Variants in PACSIN2 observed in about 807,000 individuals in gnomAD.
The protein encoded by PACSIN2 is protein kinase C and casein kinase substrate in neurons protein 2.
In PACSIN2, 25 loss-of-function variants were observed where a neutral mutation model predicts 63.8. The observed-to-expected ratio is 0.39, with a 90% CI of 0.29 to 0.55. The LOEUF (loss-of-function observed/expected upper bound fraction) is 0.55. PACSIN2 is among the 20% of genes least tolerant of loss of function. PACSIN2 has a pLI of 0.62. For missense variants in PACSIN2, 518 were observed against 646.9 expected (o/e 0.80, Z 2.16); for synonymous variants, 255 against 256.2 (o/e 1.00, Z 0.05).
intron 1 of PACSIN2, among the ~76,000 whole-genome samples, chr22:42,941,086 TTC>T (rs946262962): frequency 6.6e-6 from 1 of 152,172 alleles, no homozygotes; most frequent in Non-Finnish European, 1.5e-5. Context: ...CTAATCTACT[TTC>T]TGTCTCTATG....
At chr22:42,941,669 A>AT (rs1034106747) in intron 1 of PACSIN2, among the ~76,000 whole-genome samples, 4 of 152,082 alleles carry the variant, frequency 2.6e-5, no homozygotes, top group African/African-American at 7.2e-5. Context: ...TCATGTGCTT[A>AT]TTGGCCATTT....
chr22:42,917,428 G>A (rs1251139375), intron 1 of PACSIN2, among the ~76,000 whole-genome samples: 1 of 152,018 alleles, frequency 6.6e-6, no homozygotes, highest in Admixed American at 6.6e-5. Flanking sequence ...GCAACATAGT[G>A]AGATCCCATC....
intron 1 of PACSIN2, among the ~76,000 whole-genome samples, chr22:42,926,367 C>T (rs966591367): frequency 2.6e-5 from 4 of 152,086 alleles, no homozygotes; most frequent in Admixed American, 1.3e-4. Flanking sequence ...CTCAAAGGTG[C>T]TTCCAGAGAT....
chr22:42,962,005 C>A lies in PACSIN2; in HGVS notation c.-77-49848G>T, dbSNP rs111348564. On this transcript the variant is annotated intron_variant, in intron 1 of 10. Transcript: ENST00000263246. The stretch of plus-strand genomic sequence containing the variant: ...ACGGCACCATCACAGAAGATGAACA[C>A]CAGAGTGCCACGCCCGCCACAGCTG... 4.3e-3 allele frequency among the ~76,000 whole-genome samples: 652 copies of A among 152,250 alleles called. 3 individuals are homozygous for A. Among genetic ancestry groups the A allele is most frequent in the African/African-American group, 0.015 (615 of 41,544 alleles).
intron 2 of PACSIN2, among the ~76,000 whole-genome samples, chr22:42,896,487 C>T (rs1001003401): frequency 6.6e-6 from 1 of 152,036 alleles, no homozygotes; most frequent in Non-Finnish European, 1.5e-5. Flanking sequence ...AAGTAGTATT[C>T]GATTGGGTAG....
At chr22:43,012,630 G>C (rs1420120095) in intron 1 of PACSIN2, among the ~76,000 whole-genome samples, 1 of 151,902 alleles carries the variant, frequency 6.6e-6, no homozygotes, top group East Asian at 1.9e-4. Context: ...GAGATTACAC[G>C]TGTGCACCAC....
At chr22:42,960,805 G>A (rs1338409864) in intron 1 of PACSIN2, among the ~76,000 whole-genome samples, 1 of 152,154 alleles carries the variant, frequency 6.6e-6, no homozygotes, top group East Asian at 1.9e-4. Flanking sequence ...AAAATTCACT[G>A]ATATGTACAC....
intron 1 of PACSIN2, among the ~76,000 whole-genome samples, chr22:42,972,109 G>C (rs1471556254): frequency 6.6e-6 from 1 of 152,232 alleles, no homozygotes; most frequent in African/African-American, 2.4e-5. Flanking sequence ...GATTGTTACT[G>C]TGTCTGTGTG....
intron 1 of PACSIN2, among the ~76,000 whole-genome samples, chr22:42,940,555 AAT>A (rs937354761): frequency 4.6e-5 from 7 of 152,200 alleles, no homozygotes; most frequent in African/African-American, 1.7e-4. Context: ...GTGCCACCAG[AAT>A]ATGAGCCCCG....
chr22:42,980,529 G>C (rs1311569381), intron 1 of PACSIN2, among the ~76,000 whole-genome samples: 1 of 118,472 alleles, frequency 8.4e-6, no homozygotes, highest in Admixed American at 1.0e-4. Context: ...GTCTCCCTCT[G>C]ATGCCGAGCC....
At chr22:42,935,100 T>A (rs1178930160) in intron 1 of PACSIN2, among the ~76,000 whole-genome samples, 8 of 136,676 alleles carry the variant, frequency 5.9e-5, no homozygotes, top group South Asian at 2.2e-4. Context: ...TTTTTTTTTT[T>A]ATTTTCAGTA....
At chr22:42,971,440 C>T (rs1371592051) in intron 1 of PACSIN2, among the ~76,000 whole-genome samples, 7 of 152,166 alleles carry the variant, frequency 4.6e-5, no homozygotes, top group Non-Finnish European at 1.0e-4. Flanking sequence ...CGCTACAACC[C>T]CCACCTCCCA....
At position 42,945,454 on chromosome 22, in the gene PACSIN2, C is replaced by T. The variant is rs117496814; in HGVS notation, c.-77-33297G>A. Among the ~76,000 whole-genome samples, 112 of 152,246 alleles carry T rather than the reference C, an allele frequency of 7.4e-4. No individual in the cohort carries two copies. In the East Asian group the frequency reaches 0.018, roughly 24 times the overall value. On this transcript the variant is annotated intron_variant, in intron 1 of 10. Transcript: ENST00000263246. ...CCTGATCTGCTGTCTGGCCCAGACC[C>T]GCATCTCTGCCTACTGGATGCCTCC...
At chr22:43,001,788 G>A (rs1042960628) in intron 1 of PACSIN2, among the ~76,000 whole-genome samples, 1 of 152,228 alleles carries the variant, frequency 6.6e-6, no homozygotes, top group Non-Finnish European at 1.5e-5. Flanking sequence ...CCTGTGGGGA[G>A]AGGGTAGACA....
intron 1 of PACSIN2, among the ~76,000 whole-genome samples, chr22:42,920,580 T>C (rs1832490434): frequency 6.6e-6 from 1 of 151,396 alleles, no homozygotes; most frequent in Non-Finnish European, 1.5e-5. Flanking sequence ...AATTAAGAGG[T>C]GGAAGCTGTA....
At chr22:42,998,734 AGAAC>A (rs1161845838) in intron 1 of PACSIN2, among the ~76,000 whole-genome samples, 1 of 152,216 alleles carries the variant, frequency 6.6e-6, no homozygotes, top group Non-Finnish European at 1.5e-5. Flanking sequence ...GCCCTAAATG[AGAAC>A]AAGCATTCCT....
chr22:42,980,205 TTAA>T (rs1921986519), intron 1 of PACSIN2, among the ~76,000 whole-genome samples: 2 of 152,146 alleles, frequency 1.3e-5, no homozygotes, highest in Non-Finnish European at 2.9e-5. Context: ...TCAATTGTCA[TTAA>T]GAAAATTAAT....
chr22:42,911,279 G>T (rs1463982407), intron 2 of PACSIN2, among the ~76,000 whole-genome samples: 1 of 151,794 alleles, frequency 6.6e-6, no homozygotes, highest in Admixed American at 6.6e-5. Context: ...ACCAAAAATT[G>T]ACTTCCTATA....
intron 1 of PACSIN2, among the ~76,000 whole-genome samples, chr22:42,920,187 T>C (rs1569272275): frequency 6.6e-6 from 1 of 152,046 alleles, no homozygotes; most frequent in Non-Finnish European, 1.5e-5. Flanking sequence ...CGGAATTCAA[T>C]GCTGAATGAG....
Sources: allele counts gnomAD v4.1 joint callset (sites outside exome capture counted in the v4.1 genomes callset), GRCh38; gene constraint gnomAD v4.1.1; transcripts MANE v1.5; gene names NCBI Gene and HGNC (gene_info 2026-07-23, HGNC 2026-07-21).